CFAP221: variants seen among roughly 807,000 people sequenced by gnomAD.
The protein encoded by CFAP221 is cilia- and flagella-associated protein 221.
In CFAP221, 97 loss-of-function variants were observed where a neutral mutation model predicts 113.1. The observed-to-expected ratio is 0.86, with a 90% confidence interval of 0.73 to 1.02. The LOEUF (loss-of-function observed/expected upper bound fraction) is 1.02, where lower values mean the gene tolerates loss of function less well. Among genes scored for constraint, CFAP221 ranks in the 50% least tolerant of loss-of-function variants. CFAP221 has a pLI of 0.00. For synonymous variants in CFAP221, 331 were observed against 354.4 expected, an observed-to-expected ratio of 0.93 and a Z score of 0.74; for missense variants, 1,025 against 1,013.4, an observed-to-expected ratio of 1.01 and a Z score of -0.16.
intron 6 of CFAP221, among the ~76,000 whole-genome samples, chr2:119,563,960 G>A (rs914613986): frequency 7.9e-5 from 12 of 152,152 alleles, no homozygotes; most frequent in Admixed American, 7.9e-4. Flanking sequence ...AATGGCCACT[G>A]GGAGATTTTA....
At chr2:119,598,647 GT>G (rs1352669706) in intron 7 of CFAP221, among the ~76,000 whole-genome samples, 4 of 152,310 alleles carry the variant, frequency 2.6e-5, no homozygotes, top group South Asian at 2.1e-4. Context: ...ACTCTCCTTT[GT>G]GCCACTGTTA....
At chr2:119,576,588 C>T (rs1486494686) in intron 6 of CFAP221, among the ~76,000 whole-genome samples, 2 of 152,122 alleles carry the variant, frequency 1.3e-5, no homozygotes, top group Non-Finnish European at 1.5e-5. Context: ...GTTACTTAAA[C>T]GTTTCTTTAT....
intron 3 of CFAP221, among the ~76,000 whole-genome samples, chr2:119,555,655 C>T (rs1173415324): frequency 6.6e-6 from 1 of 152,096 alleles, no homozygotes; most frequent in African/African-American, 2.4e-5. Context: ...AGGCTGGGCA[C>T]TGAGATGTGC....
At chr2:119,657,323 C>G (rs1688478396), downstream of CFAP221, among the ~76,000 whole-genome samples, 1 of 152,150 alleles carries the variant, frequency 6.6e-6, no homozygotes, top group South Asian at 2.1e-4. Flanking sequence ...CACTATGTGG[C>G]CTTCTTAACA....
intron 8 of CFAP221, chr2:119,602,756 T>C: frequency 1.0e-6 from 1 of 985,404 alleles, no homozygotes; most frequent in Non-Finnish European, 1.2e-6. Context: ...TGGTGGCAAA[T>C]AAGCAGGTGA....
At chr2:119,549,227 G>A (rs1385814787) in intron 3 of CFAP221, 42 bp downstream of exon 3, 39 of 1,392,988 alleles carry the variant, frequency 2.8e-5, no homozygotes, top group Non-Finnish European at 3.7e-5. Flanking sequence ...TCATAATGAA[G>A]TGACAAAAAT....
intron 6 of CFAP221, among the ~76,000 whole-genome samples, chr2:119,583,504 A>G (rs1317259983): frequency 6.6e-6 from 1 of 151,892 alleles, no homozygotes; most frequent in Non-Finnish European, 1.5e-5. Flanking sequence ...ATCTAAGGAA[A>G]TCTACAGATA....
intron 6 of CFAP221, among the ~76,000 whole-genome samples, chr2:119,585,971 C>T (rs931523068): frequency 7.2e-5 from 11 of 152,198 alleles, no homozygotes; most frequent in Non-Finnish European, 1.5e-4. Flanking sequence ...TCTGGCAGCT[C>T]TGCTCAAACC....
At chr2:119,648,268 T>C (rs995199850) in intron 22 of CFAP221, among the ~76,000 whole-genome samples, 3 of 152,156 alleles carry the variant, frequency 2.0e-5, no homozygotes, top group Non-Finnish European at 2.9e-5. Flanking sequence ...AGTAACATTA[T>C]GAGAAAATAA....
At chr2:119,627,538 T>C in intron 15 of CFAP221, 115 bp from the exon 16 acceptor site, 2 of 712,084 alleles carry the variant, frequency 2.8e-6, no homozygotes, top group East Asian at 3.1e-5. Flanking sequence ...TATATATATA[T>C]ATATATACAC....
chr2:119,560,860 G>T (rs151010575), intron 5 of CFAP221, among the ~76,000 whole-genome samples: 1 of 151,942 alleles, frequency 6.6e-6, no homozygotes, highest in Admixed American at 6.6e-5. Flanking sequence ...GACTCACTTC[G>T]TCATATTAGA....
chr2:119,551,344 A>G (rs1680408658), intron 3 of CFAP221, among the ~76,000 whole-genome samples: 1 of 152,210 alleles, frequency 6.6e-6, no homozygotes, highest in African/African-American at 2.4e-5. Context: ...TTAAAGAAAC[A>G]ACTAACAAAG....
chr2:119,602,302 G>A (rs1684416950), intron 8 of CFAP221, among the ~76,000 whole-genome samples: 1 of 152,094 alleles, frequency 6.6e-6, no homozygotes, highest in African/African-American at 2.4e-5. Flanking sequence ...TTGAACCTGG[G>A]AGGCAGAGGT....
At chr2:119,589,511 G>A (rs1017987026) in intron 7 of CFAP221, 3 of 152,224 alleles carry the variant, frequency 2.0e-5, no homozygotes, top group Admixed American at 1.3e-4. Context: ...ATGTGTATTT[G>A]TAGACACTGT....
At chr2:119,576,474 A>G (rs1437052600) in intron 6 of CFAP221, among the ~76,000 whole-genome samples, 1 of 152,110 alleles carries the variant, frequency 6.6e-6, no homozygotes, top group African/African-American at 2.4e-5. Context: ...CTGTTTCTGC[A>G]TTAGTTTGCT....
At chr2:119,589,804 A>G (rs1459139846) in intron 7 of CFAP221, 1 of 152,212 alleles carries the variant, frequency 6.6e-6, no homozygotes, top group African/African-American at 2.4e-5. Flanking sequence ...GGGCCAAGAT[A>G]TTCCTGAGGC....
At chr2:119,612,638 T>A (rs1217982579) in intron 13 of CFAP221, among the ~76,000 whole-genome samples, 1 of 152,112 alleles carries the variant, frequency 6.6e-6, no homozygotes, top group African/African-American at 2.4e-5. Context: ...CTCTGGCCCC[T>A]CCCAAGTCTC....
chr2:119,588,916 C>G (rs2104622021), intron 7 of CFAP221, among the ~76,000 whole-genome samples: 1 of 152,170 alleles, frequency 6.6e-6, no homozygotes, highest in African/African-American at 2.4e-5. Flanking sequence ...GAGGGCCACT[C>G]AGACACTCAG....
At chr2:119,647,773 A>C (rs1417318150) in intron 22 of CFAP221, among the ~76,000 whole-genome samples, 4 of 152,258 alleles carry the variant, frequency 2.6e-5, no homozygotes, top group Admixed American at 6.5e-5. Context: ...CATATGTTTT[A>C]AAGCAGATAC....
Sources: gnomAD v4.1 joint callset for allele counts (sites outside exome capture counted in the v4.1 genomes callset) on GRCh38, gnomAD v4.1.1 for gene constraint, MANE v1.5 for transcripts, NCBI Gene and HGNC (gene_info 2026-07-23, HGNC 2026-07-21) for gene names.